RIMBP2: variants seen among roughly 807,000 people sequenced by gnomAD.
RIMBP2 encodes the protein RIMS binding protein 2.
In RIMBP2, 48 loss-of-function variants were observed where a neutral mutation model predicts 118.6. The observed-to-expected ratio is 0.40, with a 90% CI of 0.32 to 0.51. RIMBP2 has a LOEUF of 0.51. Among genes scored for constraint, RIMBP2 ranks in the 20% least tolerant of loss-of-function variants. The pLI is 0.41. For missense variants in RIMBP2, 1,551 were observed against 1,768.3 expected (o/e 0.88, Z 2.20); for synonymous variants, 762 against 742.9 (o/e 1.03, Z -0.42).
chr12:130,410,943 T>C (rs775873071), intron 19 of RIMBP2, among the ~76,000 whole-genome samples: 13 of 152,214 alleles, frequency 8.5e-5, no homozygotes, highest in Non-Finnish European at 1.2e-4. Context: ...GTAGGCTCAC[T>C]TGGGGCAGCT....
At chr12:130,496,487 C>T (rs1046160442) in intron 4 of RIMBP2, among the ~76,000 whole-genome samples, 1 of 152,140 alleles carries the variant, frequency 6.6e-6, no homozygotes, top group Non-Finnish European at 1.5e-5. Context: ...TCTCAGCAGC[C>T]CTGCTGAGCA....
intron 1 of RIMBP2, among the ~76,000 whole-genome samples, chr12:130,709,987 A>G (rs1949788192): frequency 6.6e-6 from 1 of 151,882 alleles, no homozygotes; most frequent in South Asian, 2.1e-4. Flanking sequence ...ACCATGACCA[A>G]CTCCCCATGG....
At chr12:130,452,613 G>A (rs964762239) in intron 7 of RIMBP2, among the ~76,000 whole-genome samples, 1 of 152,222 alleles carries the variant, frequency 6.6e-6, no homozygotes, top group Non-Finnish European at 1.5e-5. Context: ...TCCCAGCCAC[G>A]AGAGTCACCT....
At chr12:130,643,438 G>T (rs566326595) in intron 1 of RIMBP2, among the ~76,000 whole-genome samples, 1 of 152,288 alleles carries the variant, frequency 6.6e-6, no homozygotes, top group Middle Eastern at 3.4e-3. Flanking sequence ...GATGAAAGCC[G>T]GTCCCTACAG....
chr12:130,576,796 C>G lies in RIMBP2; in HGVS notation c.-217+51526G>C, dbSNP rs2058114392. ...GCTCCGAGTCCTAAACGAATCACAC[C>G]AGGATGGAGATTGCAGGATGGCGTG... On this transcript the variant is annotated intron_variant, in intron 2 of 22. Coordinates refer to ENST00000690449, the MANE Select transcript of RIMBP2 (RefSeq NM_001393629.1). This position sits in a 1 kb window ranked among gnomAD's most constrained non-coding sequence, Gnocchi z 4.2. 6.6e-6 allele frequency among the ~76,000 whole-genome samples: 1 copy of G among 152,228 alleles called. No individual in the cohort carries two copies. The highest frequency in any genetic ancestry group is 6.5e-5 in the Admixed American group (1 of 15,284).
intron 2 of RIMBP2, among the ~76,000 whole-genome samples, chr12:130,521,209 C>G (rs2139125374): frequency 6.6e-6 from 1 of 152,338 alleles, no homozygotes; most frequent in East Asian, 1.9e-4. Flanking sequence ...GTGGACACTA[C>G]CCCAATCAAA....
chr12:130,712,799 A>T (rs2136906500), intron 1 of RIMBP2, among the ~76,000 whole-genome samples: 1 of 152,268 alleles, frequency 6.6e-6, no homozygotes, highest in Non-Finnish European at 1.5e-5. Context: ...CACCATCGTC[A>T]CTAAACACGT....
At chr12:130,472,437 TC>T (rs2081085884) in intron 5 of RIMBP2, 1 of 152,130 alleles carries the variant, frequency 6.6e-6, no homozygotes, top group Non-Finnish European at 1.5e-5. Context: ...TCCCAAACAT[TC>T]CCCGTGGAGC....
intron 1 of RIMBP2, among the ~76,000 whole-genome samples, chr12:130,656,345 G>T (rs566498857): frequency 3.3e-5 from 5 of 152,284 alleles, no homozygotes; most frequent in African/African-American, 7.2e-5. Context: ...AATTCTGCCC[G>T]TCCCAGTGGG....
chr12:130,498,263 G>A (rs2049384594), intron 4 of RIMBP2, among the ~76,000 whole-genome samples: 2 of 152,176 alleles, frequency 1.3e-5, no homozygotes, highest in African/African-American at 4.8e-5. Context: ...AAGGCAGCAA[G>A]TGTCTGCAGT....
intron 4 of RIMBP2, among the ~76,000 whole-genome samples, 170 bp from the exon 5 acceptor site, chr12:130,479,186 G>A (rs1031811321): frequency 4.6e-5 from 7 of 152,210 alleles, no homozygotes; most frequent in Admixed American, 2.6e-4. Flanking sequence ...CTCCAGAGGC[G>A]GCACTCCCAA....
intron 22 of RIMBP2, chr12:130,398,193 T>G (rs1374826637): frequency 6.6e-6 from 1 of 152,288 alleles, no homozygotes; most frequent in Non-Finnish European, 1.5e-5. Context: ...AAGCGCTTAA[T>G]AGTGCTTCAG....
intron 4 of RIMBP2, among the ~76,000 whole-genome samples, chr12:130,498,052 A>T (rs1337925803): frequency 6.6e-6 from 1 of 152,198 alleles, no homozygotes; most frequent in Non-Finnish European, 1.5e-5. Flanking sequence ...GCCCCAGAGA[A>T]GCACCTCTGC....
rs905978560 is a variant in RIMBP2 at position 130,670,930 on chromosome 12, C to G, written c.-351-42474G>C. Among the ~76,000 whole-genome samples, 26 of 152,238 alleles carry G rather than the reference C, an allele frequency of 1.7e-4. No individual in the cohort carries two copies. The highest frequency in any genetic ancestry group is 6.3e-4 in the African/African-American group (26 of 41,550). On this transcript the variant is annotated intron_variant, in intron 1 of 22. Coordinates refer to ENST00000690449, the MANE Select transcript of RIMBP2 (RefSeq NM_001393629.1). This position sits in a 1 kb window ranked among gnomAD's most constrained non-coding sequence, Gnocchi z 4.9. ...CTGGGATTACAGGTGCCCACCAGTA[C>G]GTCTCTTTTAGTAGACACGGGGTTT...
At chr12:130,579,901 C>T (rs942612041) in intron 2 of RIMBP2, among the ~76,000 whole-genome samples, 1 of 151,908 alleles carries the variant, frequency 6.6e-6, no homozygotes, top group African/African-American at 2.4e-5. Context: ...CAGTATGGCT[C>T]ACAGCCTGGG....
At chr12:130,460,096 G>A (rs1038055192) in intron 6 of RIMBP2, among the ~76,000 whole-genome samples, 10 of 152,188 alleles carry the variant, frequency 6.6e-5, no homozygotes, top group Admixed American at 3.9e-4. Context: ...GACAGAAAAC[G>A]GGTGGAGAAG....
At chr12:130,624,200 C>A (rs768756368) in intron 2 of RIMBP2, among the ~76,000 whole-genome samples, 9 of 152,176 alleles carry the variant, frequency 5.9e-5, no homozygotes, top group Non-Finnish European at 1.3e-4. Flanking sequence ...TACTAATCTG[C>A]AGAAAAATAT....
chr12:130,582,512 A>G (rs4759497), intron 2 of RIMBP2, among the ~76,000 whole-genome samples: 152,332 of 152,362 alleles, frequency 1, 76,151 homozygotes, highest in Middle Eastern at 1. Context: ...GGGATGACGC[A>G]TGGCACCATG....
At chr12:130,684,344 C>A (rs2064947339) in intron 1 of RIMBP2, among the ~76,000 whole-genome samples, 2 of 152,214 alleles carry the variant, frequency 1.3e-5, no homozygotes, top group Non-Finnish European at 2.9e-5. Flanking sequence ...AAGCTGCGCC[C>A]CAACCACCTT....
Sources: allele counts gnomAD v4.1 joint callset (sites outside exome capture counted in the v4.1 genomes callset), GRCh38; gene constraint gnomAD v4.1.1; non-coding constraint Gnocchi (gnomAD v3.1); transcripts MANE v1.5; gene names NCBI Gene and HGNC (gene_info 2026-07-23, HGNC 2026-07-21).